Variants in CAGE1 observed in about 807,000 individuals in gnomAD.
CAGE1 encodes cancer antigen 1, also known as cancer-associated gene 1 protein.
In CAGE1, 66 loss-of-function variants were observed where a neutral mutation model predicts 94.9. The ratio of observed to expected loss-of-function variants is 0.70; its 90% CI spans 0.57 to 0.85. The LOEUF (loss-of-function observed/expected upper bound fraction) is 0.85, where lower values mean the gene tolerates loss of function less well. CAGE1 is among the 40% of genes least tolerant of loss of function. The pLI is 0.00. For synonymous variants in CAGE1, 319 were observed against 321.0 expected (o/e 0.99, Z 0.07); for missense variants, 865 against 950.4 (o/e 0.91, Z 1.18).
chr6:7,358,027 G>GATATATATATATGTAT (rs1554138207), intron 9 of CAGE1, among the ~76,000 whole-genome samples: 45 of 48,084 alleles, frequency 9.4e-4, no homozygotes, highest in Admixed American at 1.8e-3. Flanking sequence ...TAAGTTTTGA[G>GATATATATATATGTAT]ATATATATAT....
chr6:7,365,327 T>C, intron 9 of CAGE1, 141 bp downstream of exon 9: 1 of 627,358 alleles, frequency 1.6e-6, no homozygotes, highest in Non-Finnish European at 2.7e-6. Flanking sequence ...TATATTATTG[T>C]GGGTAAATAA....
intron 3 of CAGE1, among the ~76,000 whole-genome samples, chr6:7,380,652 T>G (rs1760901129): frequency 1.3e-5 from 2 of 151,146 alleles, no homozygotes; most frequent in Non-Finnish European, 3.0e-5. Flanking sequence ...AAAAAAAAAG[T>G]CTTTATTTCA....
chr6:7,359,051 CT>C (rs112546856), intron 9 of CAGE1, among the ~76,000 whole-genome samples: 13,930 of 146,876 alleles, frequency 0.095, 1,432 homozygotes, highest in African/African-American at 0.26. Context: ...TAATTTGCAT[CT>C]TTTTTTTTTT....
At chr6:7,376,315 G>A (rs573248552) in intron 4 of CAGE1, among the ~76,000 whole-genome samples, 1 of 152,172 alleles carries the variant, frequency 6.6e-6, no homozygotes, top group African/African-American at 2.4e-5. Context: ...CTTGAACCCG[G>A]GAGGCGGAGG....
At chr6:7,386,825 G>T (rs1761137662) in intron 2 of CAGE1, among the ~76,000 whole-genome samples, 154 bp downstream of exon 2, 1 of 152,158 alleles carries the variant, frequency 6.6e-6, no homozygotes, top group South Asian at 2.1e-4. Flanking sequence ...TTACGCTAGC[G>T]AAACTGGGAA....
intron 7 of CAGE1, among the ~76,000 whole-genome samples, chr6:7,367,278 A>ATTTTTTTTTTTT (rs70978961): frequency 6.3e-5 from 7 of 111,204 alleles, no homozygotes; most frequent in South Asian, 3.0e-4. Context: ...TATTTGGGGG[A>ATTTTTTTTTTTT]TTTTTTTTTT....
intron 11 of CAGE1, among the ~76,000 whole-genome samples, chr6:7,345,033 G>A (rs1175879863): frequency 6.6e-6 from 1 of 152,306 alleles, no homozygotes; most frequent in East Asian, 1.9e-4. Context: ...AAACCAGGGT[G>A]CCCAAGCCAG....
At chr6:7,357,547 T>A (rs2764076) in intron 9 of CAGE1, among the ~76,000 whole-genome samples, 66,980 of 151,804 alleles carry the variant, frequency 0.44, 15,349 homozygotes, top group African/African-American at 0.57. Flanking sequence ...GATTTTTTTT[T>A]AATTTGCTAA....
chr6:7,331,468 A>C (rs1233946090), intron 12 of CAGE1: 1 of 452,050 alleles, frequency 2.2e-6, no homozygotes, highest in Non-Finnish European at 4.1e-6. Context: ...GCCACTCCTA[A>C]TGTTGCAGTG....
chr6:7,381,095 ATCT>A (rs1262076319), intron 3 of CAGE1, among the ~76,000 whole-genome samples: 20 of 152,114 alleles, frequency 1.3e-4, no homozygotes, highest in Non-Finnish European at 1.5e-4. Flanking sequence ...TTTTTCTGTG[ATCT>A]TCTTGTTGTA....
rs144052134 is a variant in CAGE1 at position 7,382,118 on chromosome 6, G to A, written c.284-3098C>T. On this transcript the variant is annotated intron_variant, in intron 3 of 13. Coordinates refer to ENST00000502583, the MANE Select transcript of CAGE1 (RefSeq NM_001170692.2). Reference sequence around the variant, plus strand: ...CTTCCAAAGTGCTGGGATTACAGGCGTGAGCCACCGTGCCCAGCCATTATG... The same window carrying A: ...CTTCCAAAGTGCTGGGATTACAGGCATGAGCCACCGTGCCCAGCCATTATG... 7.5e-3 allele frequency among the ~76,000 whole-genome samples: 1,134 copies of A among 151,680 alleles called. 8 individuals carry two copies. Among genetic ancestry groups the A allele is most frequent in the Non-Finnish European group, 9.7e-3 (656 of 67,852 alleles).
chr6:7,333,793 C>G lies in CAGE1; in HGVS notation c.2438+229G>C, dbSNP rs538593174. Among the ~76,000 whole-genome samples, 1,089 of 150,704 alleles carry G rather than the reference C, an allele frequency of 7.2e-3. 12 individuals carry two copies. The highest frequency in any genetic ancestry group is 0.024 in the African/African-American group (986 of 41,082). ...AAGCGATCCTCCTGCCTCAGCCCCCCAGTAGCTGGGATTACAGGCACGTGC... is the reference window on the plus strand; with the variant it reads ...AAGCGATCCTCCTGCCTCAGCCCCCGAGTAGCTGGGATTACAGGCACGTGC... On this transcript the variant is annotated intron_variant, in intron 12 of 13. Coordinates refer to ENST00000502583, the MANE Select transcript of CAGE1 (RefSeq NM_001170692.2).
chr6:7,338,754 T>A, intron 11 of CAGE1: 3 of 704,850 alleles, frequency 4.3e-6, no homozygotes, highest in Non-Finnish European at 2.5e-6. Flanking sequence ...TCATTCTTTT[T>A]TTTTTCTGTC....
At chr6:7,338,811 C>G in intron 11 of CAGE1, 2 of 929,206 alleles carry the variant, frequency 2.2e-6, no homozygotes, top group South Asian at 2.6e-5. Flanking sequence ...CATCCAGACT[C>G]CAGAATACAG....
chr6:7,344,490 G>C (rs772874201), intron 11 of CAGE1, among the ~76,000 whole-genome samples: 2 of 152,246 alleles, frequency 1.3e-5, no homozygotes, highest in African/African-American at 4.8e-5. Flanking sequence ...CGCCATGCCT[G>C]AGCCTCGCAA....
At chr6:7,383,629 G>A (rs761913217) in intron 3 of CAGE1, among the ~76,000 whole-genome samples, 12 of 152,124 alleles carry the variant, frequency 7.9e-5, no homozygotes, top group Non-Finnish European at 1.5e-4. Context: ...AGCAGGGTAA[G>A]TCTCCACATC....
chr6:7,340,970 C>T (rs536090435), intron 11 of CAGE1: 2 of 438,680 alleles, frequency 4.6e-6, no homozygotes, highest in Non-Finnish European at 9.0e-6. Flanking sequence ...CACAGGATAA[C>T]AACAGCTTGT....
At chr6:7,375,670 G>C (rs945262323) in intron 4 of CAGE1, among the ~76,000 whole-genome samples, 1 of 152,106 alleles carries the variant, frequency 6.6e-6, no homozygotes, top group Non-Finnish European at 1.5e-5. Flanking sequence ...TGTGGGCCAT[G>C]ATCACACTGC....
chr6:7,351,318 AC>A (rs1413069997), intron 11 of CAGE1, among the ~76,000 whole-genome samples: 2 of 152,126 alleles, frequency 1.3e-5, no homozygotes, highest in East Asian at 3.9e-4. Context: ...ACAATTACCA[AC>A]AAAAAAAGTC....
Sources: gnomAD v4.1 joint callset for allele counts (sites outside exome capture counted in the v4.1 genomes callset) on GRCh38, gnomAD v4.1.1 for gene constraint, MANE v1.5 for transcripts, NCBI Gene and HGNC (gene_info 2026-07-23, HGNC 2026-07-21) for gene names.